Variants in USP36 observed in about 807,000 individuals in gnomAD.
USP36 encodes the protein ubiquitin carboxyl-terminal hydrolase 36.
Under a neutral mutation model 111.5 loss-of-function variants are expected in USP36, and 59 were observed. That is an observed-to-expected ratio of 0.53 (90% CI 0.43 to 0.66). USP36 has a LOEUF of 0.66. Among genes scored for constraint, USP36 ranks in the 30% least tolerant of loss-of-function variants. The pLI is 0.00. For missense variants in USP36, 1,488 were observed against 1,468.0 expected (o/e 1.01, Z -0.22); for synonymous variants, 628 against 581.0 (o/e 1.08, Z -1.16).
intron 10 of USP36, among the ~76,000 whole-genome samples, chr17:78,816,130 T>C (rs2145299469): frequency 6.6e-6 from 1 of 152,068 alleles, no homozygotes; most frequent in East Asian, 1.9e-4. Context: ...CAGACGTGTG[T>C]TTAGGAACTC....
In USP36 at chr17:78,799,861, G is replaced by A. The variant is rs1201319027; in HGVS notation, c.3023-93C>T. 1.5e-5 allele frequency: 5 copies of A among 334,358 alleles called. No homozygotes were observed. The East Asian group carries it at 3.2e-4, about 22-fold the overall frequency. 20.7% of individuals were successfully genotyped at this position (334,358 alleles called of 1,614,324 possible). On this transcript the variant is annotated intron_variant, in intron 17 of 20. Coordinates refer to ENST00000449938, the MANE Select transcript of USP36 (RefSeq NM_001385174.1). ...ACCTTAAATTATAAAACAACTTACA[G>A]TAAGTGGATGCTTGCCTTTTTTTTT...
At chr17:78,819,001 AGC>A in intron 9 of USP36, 3 of 466,282 alleles carry the variant, frequency 6.4e-6, no homozygotes, top group Non-Finnish European at 1.2e-5. Context: ...AAGATTCTAA[AGC>A]AAAAAAATAA....
chr17:78,825,330 G>A (rs1350440641), intron 6 of USP36, among the ~76,000 whole-genome samples: 1 of 152,130 alleles, frequency 6.6e-6, no homozygotes, highest in African/African-American at 2.4e-5. Flanking sequence ...ATCTACAGAA[G>A]CAAAAGACAA....
rs555755023 is a variant in USP36 at position 78,799,676 on chromosome 17, C to G, written c.3115G>C (p.Gly1039Arg). 2.9e-4 allele frequency: 461 copies of G among 1,612,156 alleles called. 5 individuals carry two copies. The South Asian group carries it at 4.9e-3, about 17-fold the overall frequency. ...GTCTCCAAATCAGTACCTTTTCTCC[C>G]GTAAGCTTTATCAGATGAGTATTTG... is the stretch of plus-strand genomic sequence containing the variant. ...LLKYSSDKAY[G>R]RKVLTWDGKM... Residue 1039 changes from glycine (G) to arginine (R), a missense_variant, in exon 18 of 21, where the codon GGG becomes CGG. This residue lies in a region of USP36 where 1,073 missense variants were observed against 994.1 expected (regional missense o/e 1.08). Coordinates refer to ENST00000449938, the MANE Select transcript of USP36 (RefSeq NM_001385174.1).
At chr17:78,819,889 G>T in intron 9 of USP36, 41 bp downstream of exon 9, 1 of 1,597,282 alleles carries the variant, frequency 6.3e-7, no homozygotes, top group Non-Finnish European at 8.6e-7. Context: ...CTTATTTCCC[G>T]TCTGGTATCA....
At chr17:78,826,921 T>G (rs28483679) in intron 6 of USP36, 12,173 of 595,740 alleles carry the variant, frequency 0.02, 1,044 homozygotes, top group African/African-American at 0.2. Context: ...TGGTAAGAAC[T>G]GAATGCCCCT....
intron 1 of USP36, among the ~76,000 whole-genome samples, chr17:78,839,813 C>G (rs1035959762): frequency 6.6e-6 from 1 of 152,214 alleles, no homozygotes; most frequent in African/African-American, 2.4e-5. Flanking sequence ...CCCTCCGACG[C>G]ACACACCATC....
In USP36 at chr17:78,806,188, G is replaced by A. The variant is rs773490397; in HGVS notation, c.2184C>T (p.Val728=). The change falls in exon 15 of 21, where the codon GTC becomes GTT. Residue 728 remains valine, a synonymous_variant. Coordinates refer to ENST00000449938, the MANE Select transcript of USP36 (RefSeq NM_001385174.1). ...TATGGACGGGCCAAGTGGAGGCAAC[G>A]ACGGGGTGAGAGGTTTTCATGGGGT... ...LTHPMKTSHP[V]VASTWPVHRA... is the part of the protein sequence containing the mutation. 14 of 1,613,490 alleles carry A rather than the reference G, an allele frequency of 8.7e-6. No individual in the cohort carries two copies. The highest frequency in any genetic ancestry group is 1.7e-4 in the Middle Eastern group (1 of 5,844).
intron 17 of USP36, among the ~76,000 whole-genome samples, chr17:78,801,282 G>A (rs1410264663): frequency 1.3e-5 from 2 of 152,212 alleles, no homozygotes; most frequent in African/African-American, 4.8e-5. Flanking sequence ...GGCCAGGGCA[G>A]TACTTCTGAG....
At chr17:78,840,105 G>A (rs1052952808) in intron 1 of USP36, among the ~76,000 whole-genome samples, 1 of 151,838 alleles carries the variant, frequency 6.6e-6, no homozygotes, top group South Asian at 2.1e-4. Context: ...GAGCCCGGCC[G>A]CGGACACAGC....
rs865999507 is a variant in USP36 at position 78,798,507 on chromosome 17, G to A, written c.3285C>T (p.Phe1095=). Residue 1095 remains phenylalanine (F), a synonymous_variant, in exon 20 of 21, where the codon TTC becomes TTT. Transcript: ENST00000449938. The surrounding 1 kb of genome is among the most constrained non-coding windows in gnomAD (Gnocchi z 5.1). The part of the protein sequence containing the change: ...KKFKREKRRN[F]NAFQKLQTRR... ...GAGTCTGAAGTTTCTGGAAGGCGTT[G>A]AAGTTTCTCCTCTTCTCTCTCTTAA... is the stretch of plus-strand genomic sequence containing the variant. The A allele has an allele frequency of 6.2e-7, 1 of 1,614,140 alleles. No individual in the cohort carries two copies. Among genetic ancestry groups the A allele is most frequent in the East Asian group, 2.2e-5 (1 of 44,876 alleles).
At chr17:78,805,938 G>C (rs1386603113) in intron 15 of USP36, among the ~76,000 whole-genome samples, 1 of 152,224 alleles carries the variant, frequency 6.6e-6, no homozygotes, top group African/African-American at 2.4e-5. Flanking sequence ...CATCAGGACT[G>C]CAGAGGCCGA....
At chr17:78,808,871 T>A (rs751878644) in intron 13 of USP36, among the ~76,000 whole-genome samples, 1 of 152,144 alleles carries the variant, frequency 6.6e-6, no homozygotes, top group Non-Finnish European at 1.5e-5. Flanking sequence ...AAAATATTTG[T>A]TGAGCTTTTC....
Position 78,807,613 on chromosome 17 carries a change from C to A in USP36, c.1431G>T (p.Lys477Asn), listed in dbSNP as rs2093943293. 6.5e-7 allele frequency: 1 copy of A among 1,537,574 alleles called. No homozygotes were observed. The highest frequency in any genetic ancestry group is 8.7e-7 in the Non-Finnish European group (1 of 1,142,924). ...TGKRQDSGTM[K>N]KPHTTEEIGV... Reference sequence around the variant, plus strand: ...CAATCTCTTCAGTGGTGTGCGGCTTCTTCATCGTCCCAGAGTCTTGTCGCT... The same window carrying A: ...CAATCTCTTCAGTGGTGTGCGGCTTATTCATCGTCCCAGAGTCTTGTCGCT... Residue 477 changes from lysine (K) to asparagine (N), a missense_variant, in exon 14 of 21, where the codon AAG (lysine) becomes AAT (asparagine). By Grantham distance (94) the Lys-to-Asn change is moderately conservative (BLOSUM62 0). Transcript: ENST00000449938.
At position 78,831,759 on chromosome 17, in the gene USP36, C is replaced by T. The variant is rs543830970; in HGVS notation, c.476-2752G>A. 2.0e-5 allele frequency among the ~76,000 whole-genome samples: 3 copies of T among 151,938 alleles called. No individual in the cohort carries two copies. In the South Asian group the frequency reaches 6.2e-4, roughly 32 times the overall value. On this transcript the variant is annotated intron_variant, in intron 4 of 20. Transcript: ENST00000449938. ...GTGTTTGAGACCAGCCTGGGCAACA[C>T]TGCCTAACCAAATCTCTACCCAAAG...
In USP36 at chr17:78,798,498, G is replaced by C. The variant is rs199948498; in HGVS notation, c.3294C>G (p.Phe1098Leu). 3.7e-5 allele frequency: 59 copies of C among 1,614,186 alleles called. 1 individual carries two copies. The East Asian group carries it at 7.1e-4, about 20-fold the overall frequency. ...AGTTCCGTCGAGTCTGAAGTTTCTG[G>C]AAGGCGTTGAAGTTTCTCCTCTTCT... ...KREKRRNFNA[F>L]QKLQTRRNFW... The change falls in exon 20 of 21, where the codon TTC (phenylalanine) becomes TTG (leucine). Residue 1098 changes from phenylalanine (F) to leucine (L), a missense_variant. By Grantham distance (22) the Phe-to-Leu change is conservative. This residue lies in a region of USP36 where 1,073 missense variants were observed against 994.1 expected (regional missense o/e 1.08). Coordinates refer to ENST00000449938, the MANE Select transcript of USP36 (RefSeq NM_001385174.1). The surrounding 1 kb of genome is among the most constrained non-coding windows in gnomAD (Gnocchi z 5.1).
At chr17:78,788,607 A>G (rs1251566008) in intron 3 of USP36, among the ~76,000 whole-genome samples, 1 of 151,474 alleles carries the variant, frequency 6.6e-6, no homozygotes, top group Non-Finnish European at 1.5e-5. Context: ...GCCCACCCTG[A>G]CCCTGTGTGC....
At chr17:78,820,243 G>A (rs542637362) in intron 8 of USP36, among the ~76,000 whole-genome samples, 20 of 152,300 alleles carry the variant, frequency 1.3e-4, no homozygotes, top group African/African-American at 4.8e-4. Context: ...GGGAGGCCGG[G>A]GCAGGAGGAT....
chr17:78,820,032 G>T lies in USP36; in HGVS notation c.829-20C>A, dbSNP rs1422996267. 1 of 1,613,124 alleles carries T rather than the reference G, an allele frequency of 6.2e-7. No individual in the cohort carries two copies. Among genetic ancestry groups the T allele is most frequent in the Admixed American group, 1.7e-5 (1 of 59,942 alleles). On this transcript the variant is annotated intron_variant, in intron 8 of 20. Transcript: ENST00000449938. Reference sequence around the variant, plus strand: ...AGCTTGCTGAGGAGGACAAAAACAGGGAGTAAAATACACAGCAGAGGAAAA... The same window carrying T: ...AGCTTGCTGAGGAGGACAAAAACAGTGAGTAAAATACACAGCAGAGGAAAA...
Sources: gnomAD v4.1 joint callset for allele counts (sites outside exome capture counted in the v4.1 genomes callset) on GRCh38, gnomAD v4.1.1 for gene constraint, gnomAD v4.1.1 regional missense constraint, Gnocchi (gnomAD v3.1) non-coding constraint, MANE v1.5 for transcripts, NCBI Gene and HGNC (gene_info 2026-07-23, HGNC 2026-07-21) for gene names.